ODAD2: variants seen among roughly 807,000 people sequenced by gnomAD.
ODAD2 encodes the protein outer dynein arm docking complex subunit 2.
A neutral mutation model predicts 106.8 loss-of-function variants in ODAD2; 89 were observed. The ratio of observed to expected loss-of-function variants is 0.83; its 90% CI spans 0.70 to 0.99. The LOEUF is 0.99. Among genes scored for constraint, ODAD2 ranks in the 50% least tolerant of loss-of-function variants. The pLI, the probability that ODAD2 is intolerant of heterozygous loss-of-function variation, is 0.00. For missense variants in ODAD2, 1,168 were observed against 1,238.5 expected (o/e 0.94, Z 0.85); for synonymous variants, 404 against 436.2 (o/e 0.93, Z 0.92).
intron 17 of ODAD2, among the ~76,000 whole-genome samples, chr10:27,888,144 G>A (rs1589932094): frequency 6.6e-6 from 1 of 152,016 alleles, no homozygotes; most frequent in Admixed American, 6.6e-5. Flanking sequence ...GTATCTTTTT[G>A]ATATGGCAAT....
intron 19 of ODAD2, among the ~76,000 whole-genome samples, chr10:27,833,046 T>C (rs1164716166): frequency 6.6e-6 from 1 of 152,192 alleles, no homozygotes; most frequent in Non-Finnish European, 1.5e-5. Context: ...AGAGATTGGC[T>C]TTCCCCCTTG....
chr10:27,855,826 T>C (rs1458084653), intron 19 of ODAD2, among the ~76,000 whole-genome samples: 1 of 152,210 alleles, frequency 6.6e-6, no homozygotes, highest in East Asian at 1.9e-4. Flanking sequence ...TACTTCTGAT[T>C]GTATTTGTCT....
intron 7 of ODAD2, among the ~76,000 whole-genome samples, chr10:27,973,158 A>T (rs1221020028): frequency 3.3e-5 from 5 of 152,176 alleles, no homozygotes; most frequent in Non-Finnish European, 7.3e-5. Flanking sequence ...TGTGTAACAT[A>T]GTTTATACAA....
At chr10:27,844,851 A>G (rs1339694923) in intron 19 of ODAD2, among the ~76,000 whole-genome samples, 3 of 152,162 alleles carry the variant, frequency 2.0e-5, no homozygotes, top group East Asian at 1.9e-4. Context: ...TTATTTGGCT[A>G]GCGATGGGGT....
At chr10:27,825,146 T>C (rs1836938088) in intron 19 of ODAD2, among the ~76,000 whole-genome samples, 1 of 152,182 alleles carries the variant, frequency 6.6e-6, no homozygotes, top group Non-Finnish European at 1.5e-5. Flanking sequence ...CTCATAGCCC[T>C]TATCCAAGCC....
At chr10:27,848,941 T>C (rs992325769) in intron 19 of ODAD2, among the ~76,000 whole-genome samples, 3 of 152,218 alleles carry the variant, frequency 2.0e-5, no homozygotes, top group Non-Finnish European at 2.9e-5. Context: ...GGAACACTTT[T>C]ACACTGTTAG....
intron 12 of ODAD2, among the ~76,000 whole-genome samples, chr10:27,942,260 C>T (rs1846511765): frequency 6.6e-6 from 1 of 152,168 alleles, no homozygotes; most frequent in Non-Finnish European, 1.5e-5. Context: ...GGTTGATTCA[C>T]CAAAAATTGG....
intron 12 of ODAD2, among the ~76,000 whole-genome samples, chr10:27,941,011 T>C (rs1423454410): frequency 2.0e-5 from 3 of 152,202 alleles, no homozygotes; most frequent in Non-Finnish European, 4.4e-5. Context: ...TGGGAGCTTA[T>C]ACATTTCCTT....
chr10:27,844,600 T>C (rs915174), intron 19 of ODAD2, among the ~76,000 whole-genome samples: 106,523 of 152,072 alleles, frequency 0.7, 37,406 homozygotes, highest in Middle Eastern at 0.75. Flanking sequence ...AGTTATTTAA[T>C]CTTTATGAAA....
chr10:27,886,872 C>CA (rs1293400283), intron 17 of ODAD2, among the ~76,000 whole-genome samples: 5 of 151,604 alleles, frequency 3.3e-5, no homozygotes, highest in African/African-American at 1.2e-4. Context: ...AAGAAAATAA[C>CA]CATAAAATAT....
intron 16 of ODAD2, among the ~76,000 whole-genome samples, chr10:27,928,966 T>C (rs1304704572): frequency 6.6e-6 from 1 of 152,146 alleles, no homozygotes; most frequent in African/African-American, 2.4e-5. Context: ...GGAAAAATAG[T>C]TGGTGAATGA....
chr10:27,821,676 A>G (rs1407908693), intron 19 of ODAD2, among the ~76,000 whole-genome samples: 1 of 152,226 alleles, frequency 6.6e-6, no homozygotes, highest in Non-Finnish European at 1.5e-5. Context: ...TCTCTTTGTC[A>G]TAATTACATA....
At chr10:27,946,953 G>T (rs2132659942) in intron 10 of ODAD2, among the ~76,000 whole-genome samples, 1 of 152,272 alleles carries the variant, frequency 6.6e-6, no homozygotes, top group South Asian at 2.1e-4. Context: ...GTCCCGTGAA[G>T]ATGTCACTGA....
intron 7 of ODAD2, among the ~76,000 whole-genome samples, chr10:27,972,916 T>C (rs969380516): frequency 2.0e-5 from 3 of 152,108 alleles, no homozygotes; most frequent in Admixed American, 6.6e-5. Flanking sequence ...TTAATTGACA[T>C]TTAAAAGACA....
chr10:27,929,670 C>T (rs191957651), intron 16 of ODAD2, among the ~76,000 whole-genome samples: 1 of 152,216 alleles, frequency 6.6e-6, no homozygotes, highest in East Asian at 1.9e-4. Context: ...TATGATATTG[C>T]CTTCACATTT....
intron 17 of ODAD2, among the ~76,000 whole-genome samples, chr10:27,864,578 A>AGTGAGGGGAGAG (rs1163719817): frequency 6.6e-5 from 5 of 76,206 alleles, no homozygotes; most frequent in Non-Finnish European, 1.4e-4. Flanking sequence ...TGAGGTGAGA[A>AGTGAGGGGAGAG]TGGGGAGTGA....
intron 16 of ODAD2, among the ~76,000 whole-genome samples, chr10:27,913,278 C>T (rs1292721996): frequency 6.6e-6 from 1 of 152,006 alleles, no homozygotes; most frequent in Non-Finnish European, 1.5e-5. Context: ...CCTCACCCTC[C>T]TCCCACCCTC....
At chr10:27,960,313 CATTATTATTATT>C (rs72020123) in intron 10 of ODAD2, among the ~76,000 whole-genome samples, 4,186 of 138,664 alleles carry the variant, frequency 0.03, 183 homozygotes, top group African/African-American at 0.095. Flanking sequence ...TTATTTATTT[CATTATTATTATT>C]ATTATTATTA....
At chr10:27,999,571 T>C (rs1850752505), upstream of ODAD2, among the ~76,000 whole-genome samples, 1 of 152,130 alleles carries the variant, frequency 6.6e-6, no homozygotes, top group Non-Finnish European at 1.5e-5. Context: ...AAATGGCCTT[T>C]ACCTTTGTCC....
Sources: gnomAD v4.1 joint callset for allele counts (sites outside exome capture counted in the v4.1 genomes callset) on GRCh38, gnomAD v4.1.1 for gene constraint, MANE v1.5 for transcripts, NCBI Gene and HGNC (gene_info 2026-07-23, HGNC 2026-07-21) for gene names.